CRTAP: variants seen among roughly 807,000 people sequenced by gnomAD.
CRTAP encodes the protein cartilage-associated protein.
CRTAP carries 33 observed loss-of-function variants against 42.7 expected under a neutral mutation model. The ratio of observed to expected loss-of-function variants is 0.77; its 90% confidence interval spans 0.59 to 1.03. The LOEUF (loss-of-function observed/expected upper bound fraction) is 1.03. Among genes scored for constraint, CRTAP ranks in the 50% least tolerant of loss-of-function variants. The pLI, the probability that CRTAP is intolerant of heterozygous loss-of-function variation, is 0.00. For missense variants in CRTAP, 613 were observed against 533.9 expected (o/e 1.15, Z -1.46); for synonymous variants, 243 against 217.7 (o/e 1.12, Z -1.02).
intron 6 of CRTAP, among the ~76,000 whole-genome samples, chr3:33,140,604 T>C (rs1361493740): frequency 6.6e-6 from 1 of 152,220 alleles, no homozygotes; most frequent in African/African-American, 2.4e-5. Flanking sequence ...TGTTGAAATG[T>C]GTATAAGCAC....
At chr3:33,117,487 TCCA>T (rs925620393) in intron 1 of CRTAP, among the ~76,000 whole-genome samples, 1 of 152,170 alleles carries the variant, frequency 6.6e-6, no homozygotes, top group African/African-American at 2.4e-5. Flanking sequence ...TTGGGTTCTC[TCCA>T]CAATTACCAT....
chr3:33,135,688 C>T (rs2125605187), intron 6 of CRTAP, among the ~76,000 whole-genome samples: 1 of 150,976 alleles, frequency 6.6e-6, no homozygotes, highest in South Asian at 2.1e-4. Flanking sequence ...TAGAGGCAAG[C>T]TAATATGGAT....
chr3:33,129,535 C>CTTTTTTTT lies in CRTAP; in HGVS notation c.794-392_794-385dup, dbSNP rs753545426. 2.7e-4 allele frequency among the ~76,000 whole-genome samples: 31 copies of CTTTTTTTT among 115,694 alleles called. 1 individual carries two copies. Among genetic ancestry groups the CTTTTTTTT allele is most frequent in the Non-Finnish European group, 4.4e-4 (25 of 56,196 alleles). The allele number at this position is 115,694 out of a possible 152,430, so 75.9% of individuals were successfully genotyped here. On this transcript the variant is annotated intron_variant, in intron 3 of 6. Coordinates refer to ENST00000320954, the MANE Select transcript of CRTAP (RefSeq NM_006371.5). ...AGGTGTTGAAAATATTTTTCTTTTT[C>CTTTTTTTT]TTTTTTTTTTTTTTTTTTTGGAGAC...
At position 33,114,161 on chromosome 3, in the gene CRTAP, C is replaced by A; in HGVS notation, c.84C>A (p.Tyr28Ter). The A allele has an allele frequency of 6.3e-7, 1 of 1,586,558 alleles. No homozygotes were observed. Among genetic ancestry groups the A allele is most frequent in the South Asian group, 1.1e-5 (1 of 89,026 alleles). Reference protein sequence around the residue: ...ACALRAGRAQYERYSFRSFPR... With the variant: ...ACALRAGRAQ Reference sequence around the variant, plus strand: ...CGCTGCGCGCCGGGCGCGCCCAATACGAACGCTACAGCTTCCGCAGCTTCC... The same window carrying A: ...CGCTGCGCGCCGGGCGCGCCCAATAAGAACGCTACAGCTTCCGCAGCTTCC... Residue 28 changes from tyrosine (Y) to a stop codon, truncating the protein, a stop_gained, in exon 1 of 7, where the codon TAC becomes TAA. Coordinates refer to ENST00000320954, the MANE Select transcript of CRTAP (RefSeq NM_006371.5). LOFTEE classifies it high-confidence loss of function.
At chr3:33,124,841 T>C (rs551313600) in intron 3 of CRTAP, among the ~76,000 whole-genome samples, 1 of 152,304 alleles carries the variant, frequency 6.6e-6, no homozygotes, top group East Asian at 1.9e-4. Flanking sequence ...TGCTTACAGA[T>C]TTCCTACAGT....
intron 1 of CRTAP, among the ~76,000 whole-genome samples, chr3:33,117,040 A>C (rs1701350092): frequency 6.6e-6 from 1 of 152,162 alleles, no homozygotes; most frequent in Admixed American, 6.5e-5. Flanking sequence ...CCAGAAAGTC[A>C]AGGCTGCAGT....
intron 3 of CRTAP, among the ~76,000 whole-genome samples, 160 bp from the exon 4 acceptor site, chr3:33,129,779 C>T (rs1296833084): frequency 1.3e-5 from 2 of 152,022 alleles, no homozygotes; most frequent in Non-Finnish European, 2.9e-5. Context: ...CCTTGTGATT[C>T]GCCCGCCTCA....
At position 33,114,704 on chromosome 3, in the gene CRTAP, T is replaced by C. The variant is rs7611841; in HGVS notation, c.471+156T>C. On this transcript the variant is annotated intron_variant, in intron 1 of 6. Coordinates refer to ENST00000320954, the MANE Select transcript of CRTAP (RefSeq NM_006371.5). The stretch of plus-strand genomic sequence containing the variant: ...TGCCAAAGGTCTCCTCCAAGTCCTG[T>C]CTCCTTCTTCATCTCAACTAGAGAT... Among the ~76,000 whole-genome samples the C allele has an allele frequency of 0.87, 131,905 of 152,248 alleles. 57,210 individuals are homozygous for C. Among genetic ancestry groups the C allele is most frequent in the East Asian group, 0.97 (5,017 of 5,168 alleles).
At position 33,114,536 on chromosome 3, in the gene CRTAP, C is replaced by A; in HGVS notation, c.459C>A (p.Phe153Leu). The stretch of plus-strand genomic sequence containing the variant: ...GCGAGCCCTACAAGTTCCTGCAGTT[C>A]GCTTACTTCAAGGCAAGTCCGCCTC... ...QRREPYKFLQ[F>L]AYFKANNLPK... Residue 153 changes from phenylalanine (F) to leucine (L), a missense_variant, in exon 1 of 7, where the codon TTC becomes TTA. By Grantham distance (22) the Phe-to-Leu change is conservative. Coordinates refer to ENST00000320954, the MANE Select transcript of CRTAP (RefSeq NM_006371.5). 6.3e-7 allele frequency: 1 copy of A among 1,599,964 alleles called. No individual in the cohort carries two copies. Among genetic ancestry groups the A allele is most frequent in the Non-Finnish European group, 8.5e-7 (1 of 1,175,030 alleles).
At position 33,142,668 on chromosome 3, in the gene CRTAP, T is replaced by C. The variant is rs1244308154; in HGVS notation, c.*220T>C. On this transcript the variant is annotated 3_prime_UTR_variant, in exon 7 of 7. Coordinates refer to ENST00000320954, the MANE Select transcript of CRTAP (RefSeq NM_006371.5). ...GTTCACACCTATCTTTCTCACCTTT[T>C]TTTTGAGATGGAGTCTCGCTCTCTT... The C allele has an allele frequency of 7.5e-6, 4 of 533,378 alleles. No individual in the cohort carries two copies. The highest frequency in any genetic ancestry group is 5.1e-4 in the Middle Eastern group (1 of 1,958). 33.0% of individuals were successfully genotyped at this position (533,378 alleles called of 1,614,324 possible). A position where few individuals can be genotyped will look rare whatever the true frequency, so the allele number is the denominator to read the frequency against.
At chr3:33,132,237 C>T (rs1459185437) in intron 4 of CRTAP, among the ~76,000 whole-genome samples, 2 of 152,222 alleles carry the variant, frequency 1.3e-5, no homozygotes, top group Non-Finnish European at 1.5e-5. Context: ...CTATCTCCCT[C>T]AGCCCCAGGA....
intron 2 of CRTAP, among the ~76,000 whole-genome samples, chr3:33,120,887 C>A (rs1204338032): frequency 6.6e-6 from 1 of 151,974 alleles, no homozygotes; most frequent in Non-Finnish European, 1.5e-5. Flanking sequence ...ACAAACGCAC[C>A]CTAAATATAT....
rs373275402 is a variant in CRTAP, at chr3:33,146,870, C to G, written c.*4422C>G. ...ACGTTTCTAGGTTTTAAATGTGAGC[C>G]GTAAACTGAAGCTACTTCAGTTAAA... On this transcript the variant is annotated 3_prime_UTR_variant, in exon 7 of 7. Transcript: ENST00000320954. 1.9e-4 allele frequency: 29 copies of G among 151,962 alleles called. No individual in the cohort carries two copies. The South Asian group carries it at 5.4e-3, about 28-fold the overall frequency. The allele number at this position is 151,962 out of a possible 1,614,324, so 9.4% of individuals were successfully genotyped here.
rs1214065840 is a variant in CRTAP, at chr3:33,120,246, C to T, written c.472-98C>T. The T allele has an allele frequency of 5.4e-6, 6 of 1,111,314 alleles. No homozygotes were observed. The Middle Eastern group carries it at 7.8e-4, about 145-fold the overall frequency. 68.8% of individuals were successfully genotyped at this position (1,111,314 alleles called of 1,614,324 possible). ...GAACCTTTAGCTGGAAAAGTTATAG[C>T]AACACAAAGTTTCTGAAGGACTAAG... On this transcript the variant is annotated intron_variant, in intron 1 of 6. Coordinates refer to ENST00000320954, the MANE Select transcript of CRTAP (RefSeq NM_006371.5).
At chr3:33,116,985 T>TAC (rs1264974437) in intron 1 of CRTAP, among the ~76,000 whole-genome samples, 1 of 152,116 alleles carries the variant, frequency 6.6e-6, no homozygotes, top group East Asian at 1.9e-4. Flanking sequence ...CGTGCCTTTC[T>TAC]AGTTTCAGCT....
intron 3 of CRTAP, 54 bp from the exon 4 acceptor site, chr3:33,129,885 A>G: frequency 1.3e-6 from 2 of 1,551,898 alleles, no homozygotes; most frequent in South Asian, 1.1e-5. Flanking sequence ...AGGCAGTAGC[A>G]TATTAAGAAA....
intron 6 of CRTAP, among the ~76,000 whole-genome samples, chr3:33,135,587 TTGGAGTAAGACCC>T (rs2030396812): frequency 2.0e-5 from 3 of 151,274 alleles, no homozygotes; most frequent in African/African-American, 7.3e-5. Flanking sequence ...GACTCGGCAA[TTGGAGTAAGACCC>T]TGCCTCAAAA....
intron 5 of CRTAP, among the ~76,000 whole-genome samples, chr3:33,133,026 G>T (rs553192673): frequency 5.4e-4 from 82 of 151,992 alleles, no homozygotes; most frequent in African/African-American, 1.9e-3. Context: ...GCTGTGAGCC[G>T]AGATTGCGCC....
chr3:33,120,579 G>C, intron 2 of CRTAP, 86 bp downstream of exon 2: 1 of 1,546,302 alleles, frequency 6.5e-7, no homozygotes, highest in Non-Finnish European at 8.7e-7. Flanking sequence ...GATAGCTAAG[G>C]ACCTCTAGTG....
Sources: allele counts gnomAD v4.1 joint callset (sites outside exome capture counted in the v4.1 genomes callset), GRCh38; gene constraint gnomAD v4.1.1; transcripts MANE v1.5; gene names NCBI Gene and HGNC (gene_info 2026-07-23, HGNC 2026-07-21).